SMCHD1: variants seen among roughly 807,000 people sequenced by gnomAD.
The protein encoded by SMCHD1 is structural maintenance of chromosomes flexible hinge domain containing 1.
In SMCHD1, 78 loss-of-function variants were observed where a neutral mutation model predicts 254.7. The observed-to-expected ratio is 0.31, with a 90% CI of 0.26 to 0.37. The LOEUF is 0.37. SMCHD1 is among the 10% of genes least tolerant of loss of function. SMCHD1 has a pLI of 1.00. For synonymous variants in SMCHD1, 766 were observed against 794.9 expected, an observed-to-expected ratio of 0.96 and a Z score of 0.61; for missense variants, 1,840 against 2,408.1, an observed-to-expected ratio of 0.76 and a Z score of 4.94.
chr18:2,671,595 C>CTTTTTT (rs760647745), intron 3 of SMCHD1, among the ~76,000 whole-genome samples: 239 of 119,530 alleles, frequency 2.0e-3, no homozygotes, highest in East Asian at 4.2e-3. Context: ...CTTTTCTTTT[C>CTTTTTT]TTTTTTTTTT....
intron 17 of SMCHD1, among the ~76,000 whole-genome samples, chr18:2,715,715 G>A (rs1445464626): frequency 1.1e-4 from 17 of 151,940 alleles, no homozygotes; most frequent in Non-Finnish European, 2.5e-4. Context: ...TTAAGAAGTG[G>A]GCATGGTAAT....
At chr18:2,772,453 A>G (rs2076000550) in intron 41 of SMCHD1, 81 bp downstream of exon 41, 2 of 1,222,964 alleles carry the variant, frequency 1.6e-6, no homozygotes, top group African/African-American at 1.6e-5. Context: ...AAAGTGACAA[A>G]AAAGTGTCAG....
intron 17 of SMCHD1, among the ~76,000 whole-genome samples, chr18:2,709,176 C>T (rs72862988): frequency 0.19 from 27,332 of 147,530 alleles, 2,809 homozygotes; most frequent in South Asian, 0.26. Context: ...TCAGAATTCC[C>T]ATTCCTTCTT....
intron 3 of SMCHD1, 27 bp from the exon 4 acceptor site, chr18:2,673,254 A>G: frequency 6.4e-7 from 1 of 1,564,598 alleles, no homozygotes; most frequent in Non-Finnish European, 8.7e-7. Context: ...GGGAAAAGTT[A>G]AGCAATGTTT....
intron 5 of SMCHD1, among the ~76,000 whole-genome samples, chr18:2,677,602 A>G (rs2073781989): frequency 6.6e-6 from 1 of 152,168 alleles, no homozygotes; most frequent in Non-Finnish European, 1.5e-5. Context: ...ATCTCCTGGC[A>G]ATCACTAATA....
At chr18:2,725,371 A>C (rs185689175) in intron 21 of SMCHD1, among the ~76,000 whole-genome samples, 1 of 151,826 alleles carries the variant, frequency 6.6e-6, no homozygotes, top group South Asian at 2.1e-4. Context: ...AAAAATGACA[A>C]TTAGAAATAT....
chr18:2,658,273 A>C (rs1426585381), intron 1 of SMCHD1, among the ~76,000 whole-genome samples: 1 of 152,168 alleles, frequency 6.6e-6, no homozygotes, highest in African/African-American at 2.4e-5. Flanking sequence ...CTCTCGTGAG[A>C]TGTCTCAGTA....
At chr18:2,767,828 G>A (rs146639689) in intron 37 of SMCHD1, among the ~76,000 whole-genome samples, 51 of 151,618 alleles carry the variant, frequency 3.4e-4, no homozygotes, top group Middle Eastern at 3.4e-3. Context: ...GACCTCAGAC[G>A]ATCCACCCAC....
intron 19 of SMCHD1, 85 bp from the exon 20 acceptor site, chr18:2,722,434 A>G: frequency 1.8e-6 from 2 of 1,114,268 alleles, no homozygotes; most frequent in Non-Finnish European, 2.6e-6. Flanking sequence ...AAAATTTCTC[A>G]GATAGAAATG....
At chr18:2,772,781 C>T (rs2076006363) in intron 41 of SMCHD1, among the ~76,000 whole-genome samples, 1 of 152,232 alleles carries the variant, frequency 6.6e-6, no homozygotes, top group Admixed American at 6.5e-5. Flanking sequence ...CAGGCATGTG[C>T]CACCATGCCC....
chr18:2,664,535 C>A (rs1019616149), intron 1 of SMCHD1, among the ~76,000 whole-genome samples: 1 of 152,072 alleles, frequency 6.6e-6, no homozygotes, highest in Non-Finnish European at 1.5e-5. Flanking sequence ...TGTTTTATCT[C>A]CGTATGTATT....
At chr18:2,762,046 C>G (rs2075794589) in intron 35 of SMCHD1, 59 bp from the exon 36 acceptor site, 9 of 1,432,168 alleles carry the variant, frequency 6.3e-6, no homozygotes, top group Non-Finnish European at 8.7e-6. Flanking sequence ...TCTTCCCTTC[C>G]TCTTAAATGC....
intron 22 of SMCHD1, 125 bp downstream of exon 22, chr18:2,726,649 C>T (rs1302225959): frequency 1.5e-5 from 6 of 403,784 alleles, no homozygotes; most frequent in African/African-American, 4.2e-5. Flanking sequence ...ACTTAAATGT[C>T]AAACCATAGC....
chr18:2,696,418 T>C (rs1374827286), intron 8 of SMCHD1, among the ~76,000 whole-genome samples: 1 of 152,194 alleles, frequency 6.6e-6, no homozygotes, highest in African/African-American at 2.4e-5. Flanking sequence ...CGAACCCTAA[T>C]GTGAACTGTG....
At chr18:2,744,926 C>T (rs1221378173) in intron 29 of SMCHD1, among the ~76,000 whole-genome samples, 3 of 152,172 alleles carry the variant, frequency 2.0e-5, no homozygotes, top group African/African-American at 7.2e-5. Flanking sequence ...TCACTGCAAC[C>T]TCCACCTCCT....
chr18:2,701,450 C>G (rs1345517651), intron 12 of SMCHD1, among the ~76,000 whole-genome samples: 1 of 152,104 alleles, frequency 6.6e-6, no homozygotes, highest in African/African-American at 2.4e-5. Flanking sequence ...CATGAGCCAT[C>G]GCACCCAGCC....
chr18:2,698,669 C>A (rs1438208092), intron 10 of SMCHD1, among the ~76,000 whole-genome samples: 5 of 58,158 alleles, frequency 8.6e-5, no homozygotes, highest in African/African-American at 1.6e-4. Flanking sequence ...CACCTGGCCC[C>A]CACCTTTTTT....
chr18:2,722,733 A>AT (rs912517382), intron 20 of SMCHD1, 70 bp downstream of exon 20: 62 of 1,392,370 alleles, frequency 4.5e-5, no homozygotes, highest in African/African-American at 1.3e-4. Flanking sequence ...TTTCAGCTTC[A>AT]TTTTTTTTGT....
At chr18:2,753,158 CTTAT>C (rs2075608197) in intron 34 of SMCHD1, 2 of 152,292 alleles carry the variant, frequency 1.3e-5, no homozygotes, top group African/African-American at 4.8e-5. Flanking sequence ...CTGATTTGGT[CTTAT>C]TTAGAGTTCC....
Sources: gnomAD v4.1 joint callset for allele counts (sites outside exome capture counted in the v4.1 genomes callset) on GRCh38, gnomAD v4.1.1 for gene constraint, MANE v1.5 for transcripts, NCBI Gene and HGNC (gene_info 2026-07-23, HGNC 2026-07-21) for gene names.